The following TUBD1 variants were observed in gnomAD, a reference collection of about 807,000 sequenced individuals.
TUBD1 encodes the protein tubulin delta chain.
A neutral mutation model predicts 51.2 loss-of-function variants in TUBD1; 38 were observed. That is an observed-to-expected ratio of 0.74 (90% CI 0.57 to 0.97). The LOEUF is 0.97. TUBD1 is among the 50% of genes least tolerant of loss of function. The pLI, the probability that TUBD1 is intolerant of heterozygous loss-of-function variation, is 0.00. For synonymous variants in TUBD1, 169 were observed against 178.2 expected, an observed-to-expected ratio of 0.95 and a Z score of 0.41; for missense variants, 489 against 538.4, an observed-to-expected ratio of 0.91 and a Z score of 0.91.
chr17:59,868,848 A>C (rs1250662851), intron 6 of TUBD1, among the ~76,000 whole-genome samples: 3 of 151,648 alleles, frequency 2.0e-5, no homozygotes, highest in Non-Finnish European at 4.4e-5. Flanking sequence ...AAAATAAATA[A>C]ATAAATAAAT....
chr17:59,890,922 T>C lies in TUBD1; in HGVS notation c.81A>G (p.Ser27=). 6.2e-7 allele frequency: 1 copy of C among 1,614,004 alleles called. No individual in the cohort carries two copies. The part of the protein sequence containing the change: ...FEVFDALLSD[S]HSSQGLCSMR... ...TAGAGCAGAGTCCCTGGGAACTGTG[T>C]GAGTCACTAAGCAAAGCATCAAAAA... Residue 27 remains serine, a synonymous_variant, in exon 2 of 9, where the codon TCA becomes TCG. Transcript: ENST00000325752.
At chr17:59,861,457 C>T (rs2039440269) in intron 8 of TUBD1, among the ~76,000 whole-genome samples, 2 of 151,818 alleles carry the variant, frequency 1.3e-5, no homozygotes, top group South Asian at 4.1e-4. Flanking sequence ...CCTTGGCCTT[C>T]CAAAGTGCTG....
At position 59,866,623 on chromosome 17, in the gene TUBD1, T is replaced by A; in HGVS notation, c.1061A>T (p.Gln354Leu). 2 of 1,614,034 alleles carry A rather than the reference T, an allele frequency of 1.2e-6. No individual in the cohort carries two copies. The highest frequency in any genetic ancestry group is 1.7e-6 in the Non-Finnish European group (2 of 1,180,000). The change falls in exon 7 of 9, where the codon CAA becomes CTA. Residue 354 changes from glutamine to leucine, a missense_variant. Transcript: ENST00000325752. ...NLVILRGKDV[Q>L]SADVEGFKDP... ...GAATTTCTTACCCACATCTGCACTT[T>A]GCACATCTTTCCCACGAAGAATGAC... is the stretch of plus-strand genomic sequence containing the variant.
At chr17:59,869,033 A>T (rs1222217121) in intron 6 of TUBD1, among the ~76,000 whole-genome samples, 1 of 151,610 alleles carries the variant, frequency 6.6e-6, no homozygotes, top group Non-Finnish European at 1.5e-5. Context: ...AAAACAAAAC[A>T]AAATCTTCCC....
In TUBD1 at chr17:59,890,816, G is replaced by C. The variant is rs371601484; in HGVS notation, c.172+15C>G. On this transcript the variant is annotated intron_variant, in intron 2 of 8. Coordinates refer to ENST00000325752, the MANE Select transcript of TUBD1 (RefSeq NM_016261.4). ...TTAGATCAGAGTAAAGGAGAGGACTGTGGGCCACACCTACCTCCATTCTCC... is the reference window on the plus strand; with the variant it reads ...TTAGATCAGAGTAAAGGAGAGGACTCTGGGCCACACCTACCTCCATTCTCC... The C allele has an allele frequency of 1.3e-6, 2 of 1,598,916 alleles. No homozygotes were observed.
rs1300100308 is a variant in TUBD1, at chr17:59,886,174, G to A, written c.229C>T (p.Leu77=). Residue 77 remains leucine (L), a synonymous_variant, in exon 3 of 9, where the codon CTG becomes TTG. Transcript: ENST00000325752. Reference sequence around the variant, plus strand: ...TGGCCAGACTGGGCAGCCTTTGACAGCATTTGATTGATAACTTTGGGTTCC... The same window carrying A: ...TGGCCAGACTGGGCAGCCTTTGACAACATTTGATTGATAACTTTGGGTTCC... ...DMEPKVINQM[L]SKAAQSGQWK... is the part of the protein sequence containing the mutation. The A allele has an allele frequency of 1.2e-6, 2 of 1,613,834 alleles. No individual in the cohort carries two copies. The highest frequency in any genetic ancestry group is 3.3e-5 in the Admixed American group (2 of 59,946).
intron 5 of TUBD1, among the ~76,000 whole-genome samples, chr17:59,875,073 C>CTTTTTT (rs10679203): frequency 6.9e-5 from 6 of 87,264 alleles, no homozygotes; most frequent in South Asian, 4.2e-4. Flanking sequence ...TTGTTATATT[C>CTTTTTT]TTTTTTTTTT....
rs1306404563 is a variant in TUBD1 at position 59,892,687 on chromosome 17, C to T, written c.-40+10G>A. On this transcript the variant is annotated intron_variant, in intron 1 of 8. Transcript: ENST00000325752. ...GGCCCCAGGAGTTCTCCACACGTAA[C>T]CCGACTCACCGCCAGACGCCGACCA... 3 of 157,244 alleles carry T rather than the reference C, an allele frequency of 1.9e-5. No homozygotes were observed. Among genetic ancestry groups the T allele is most frequent in the Admixed American group, 1.9e-4 (3 of 16,214 alleles). 9.7% of individuals were successfully genotyped at this position (157,244 alleles called of 1,614,324 possible).
rs752099199 is a variant in TUBD1, at chr17:59,890,830, C to T, written c.172+1G>A. ...AGGAGAGGACTGTGGGCCACACCTA[C>T]CTCCATTCTCCTCCTCACTGAAGAA... On this transcript the variant is annotated splice_donor_variant, in intron 2 of 8. Coordinates refer to ENST00000325752, the MANE Select transcript of TUBD1 (RefSeq NM_016261.4). LOFTEE classifies it high-confidence loss of function. The T allele has an allele frequency of 3.7e-6, 6 of 1,608,166 alleles. No individual in the cohort carries two copies. Among genetic ancestry groups the T allele is most frequent in the Non-Finnish European group, 5.1e-6 (6 of 1,177,308 alleles).
chr17:59,886,155 G>A lies in TUBD1; in HGVS notation c.248C>T (p.Ser83Phe). The A allele has an allele frequency of 4.3e-6, 7 of 1,613,868 alleles. No individual in the cohort carries two copies. Among genetic ancestry groups the A allele is most frequent in the Non-Finnish European group, 5.9e-6 (7 of 1,179,904 alleles). The change falls in exon 3 of 9, where the codon TCT becomes TTT. Residue 83 changes from serine (S) to phenylalanine (F), a missense_variant. Coordinates refer to ENST00000325752, the MANE Select transcript of TUBD1 (RefSeq NM_016261.4). ...INQMLSKAAQSGQWKYGQHAC... is the reference protein window; with the variant it reads ...INQMLSKAAQFGQWKYGQHAC... ...ATGTTGACCATATTTCCATTGGCCAGACTGGGCAGCCTTTGACAGCATTTG... is the reference window on the plus strand; with the variant it reads ...ATGTTGACCATATTTCCATTGGCCAAACTGGGCAGCCTTTGACAGCATTTG...
chr17:59,874,481 C>A, intron 6 of TUBD1, 58 bp downstream of exon 6: 21 of 1,566,858 alleles, frequency 1.3e-5, no homozygotes, highest in Non-Finnish European at 1.8e-5. Flanking sequence ...TATATTGAGA[C>A]TCCAGGACAG....
chr17:59,878,069 C>T (rs2040306095), intron 5 of TUBD1, 34 bp downstream of exon 5: 1 of 1,543,372 alleles, frequency 6.5e-7, no homozygotes, highest in African/African-American at 1.4e-5. Context: ...GAACATAAGG[C>T]TTTCCTATAA....
intron 2 of TUBD1, 40 bp from the exon 3 acceptor site, chr17:59,886,270 A>G (rs777169396): frequency 3.8e-6 from 6 of 1,585,884 alleles, no homozygotes; most frequent in Non-Finnish European, 5.1e-6. Context: ...GAAAGAAAAA[A>G]AGATTTATTA....
chr17:59,870,426 G>C (rs1469839154), intron 6 of TUBD1, among the ~76,000 whole-genome samples: 1 of 143,246 alleles, frequency 7.0e-6, no homozygotes, highest in Non-Finnish European at 1.5e-5. Flanking sequence ...TAAAAATACA[G>C]GAGGATTAAC....
intron 2 of TUBD1, among the ~76,000 whole-genome samples, chr17:59,889,091 C>T (rs1404202766): frequency 7.1e-6 from 1 of 141,552 alleles, no homozygotes; most frequent in Non-Finnish European, 1.5e-5. Flanking sequence ...TCTCGGCTCA[C>T]TGCAACCCCC....
chr17:59,889,010 C>CTGT (rs2040861203), intron 2 of TUBD1, among the ~76,000 whole-genome samples: 1 of 55,778 alleles, frequency 1.8e-5, no homozygotes, highest in African/African-American at 8.3e-5. Flanking sequence ...CCATGCCTGG[C>CTGT]TTTTTTTTTT....
At chr17:59,868,538 T>C (rs2039821723) in intron 6 of TUBD1, among the ~76,000 whole-genome samples, 1 of 150,524 alleles carries the variant, frequency 6.6e-6, no homozygotes, top group Non-Finnish European at 1.5e-5. Context: ...TCTACAAAAA[T>C]AAAAGAAATA....
chr17:59,874,728 T>C (rs1347181504), intron 5 of TUBD1, 25 bp from the exon 6 acceptor site: 1 of 1,586,188 alleles, frequency 6.3e-7, no homozygotes. Flanking sequence ...AAATCTGAAC[T>C]AATTTTTTTT....
chr17:59,860,382 C>T lies in TUBD1; in HGVS notation c.1302G>A (p.Glu434=), dbSNP rs772914391. The change falls in exon 9 of 9, where the codon GAG becomes GAA. Residue 434 remains glutamate (E), a synonymous_variant. Transcript: ENST00000325752. ...ATGACGTGAAACTGTCTAAAAAGTC[C>T]TCTTCTTCGATTCCAAATTTTGTGT... ...HQYTKFGIEE[E]DFLDSFTSLE... is the part of the protein sequence containing the mutation. The T allele has an allele frequency of 6.2e-7, 1 of 1,612,064 alleles. No homozygotes were observed. Among genetic ancestry groups the T allele is most frequent in the East Asian group, 2.2e-5 (1 of 44,844 alleles).
Sources: allele counts gnomAD v4.1 joint callset (sites outside exome capture counted in the v4.1 genomes callset), GRCh38; gene constraint gnomAD v4.1.1; transcripts MANE v1.5; gene names NCBI Gene and HGNC (gene_info 2026-07-23, HGNC 2026-07-21).